Variants in ITGB1 observed in about 807,000 individuals in gnomAD.
The protein encoded by ITGB1 is integrin subunit beta 1, also known as integrin beta-1.
Under a neutral mutation model 86.5 loss-of-function variants are expected in ITGB1, and 24 were observed. The ratio of observed to expected loss-of-function variants is 0.28; its 90% CI spans 0.20 to 0.39. ITGB1 has a LOEUF of 0.39. ITGB1 is among the 10% of genes least tolerant of loss of function. ITGB1 has a pLI of 1.00. For missense variants in ITGB1, 556 were observed against 946.9 expected (o/e 0.59, Z 5.42); for synonymous variants, 323 against 316.8 (o/e 1.02, Z -0.21).
chr10:32,930,816 G>A (rs550578493), intron 3 of ITGB1, among the ~76,000 whole-genome samples: 21 of 151,826 alleles, frequency 1.4e-4, no homozygotes, highest in African/African-American at 5.1e-4. Flanking sequence ...TTTTAAATGT[G>A]GTATACATCA....
intron 2 of ITGB1, among the ~76,000 whole-genome samples, chr10:32,933,822 A>G (rs937135650): frequency 6.6e-6 from 1 of 152,134 alleles, no homozygotes; most frequent in African/African-American, 2.4e-5. Flanking sequence ...TAAGTGTTTT[A>G]TTCTTATCAT....
chr10:32,907,844 A>G (rs1402107424), intron 15 of ITGB1, among the ~76,000 whole-genome samples: 1 of 152,074 alleles, frequency 6.6e-6, no homozygotes, highest in Non-Finnish European at 1.5e-5. Flanking sequence ...ACCAAAAAAA[A>G]ATAATAATAA....
At position 32,948,099 on chromosome 10, in the gene ITGB1, A is replaced by C. The variant is rs919225372; in HGVS notation, c.-1+10046T>G. On this transcript the variant is annotated intron_variant, in intron 1 of 15. Coordinates refer to ENST00000302278, the MANE Select transcript of ITGB1 (RefSeq NM_002211.4). ...GATATGAAAGAAAGGATAAAGTCTG[A>C]AAGTTAGAAGTAACACAACTACAGA... 2.6e-5 allele frequency among the ~76,000 whole-genome samples: 4 copies of C among 152,304 alleles called. No homozygotes were observed. The East Asian group carries it at 7.7e-4, about 29-fold the overall frequency.
At chr10:32,915,379 T>C (rs1593859898) in intron 11 of ITGB1, among the ~76,000 whole-genome samples, 1 of 152,170 alleles carries the variant, frequency 6.6e-6, no homozygotes, top group South Asian at 2.1e-4. Context: ...ATCCAGGAGC[T>C]GGTTTTTTGA....
intron 1 of ITGB1, among the ~76,000 whole-genome samples, chr10:32,954,769 A>G (rs2095049162): frequency 6.6e-6 from 1 of 152,192 alleles, no homozygotes; most frequent in African/African-American, 2.4e-5. Flanking sequence ...ATGTATGTGT[A>G]CTGGAGGCAG....
chr10:32,919,928 TGGGACTTTCA>T lies in ITGB1; in HGVS notation c.1416_1425del (p.Glu473SerfsTer91). 6.2e-7 allele frequency: 1 copy of T among 1,614,132 alleles called. No individual in the cohort carries two copies. Among genetic ancestry groups the T allele is most frequent in the Non-Finnish European group, 8.5e-7 (1 of 1,180,010 alleles). ...AATGTCCCATTTCCTTCATGACACT[TGGGACTTTCA>T]GGGATGCCTTCGCTTTGGCATTCAC... On this transcript the variant is annotated frameshift_variant, in exon 11 of 16. Coordinates refer to ENST00000302278, the MANE Select transcript of ITGB1 (RefSeq NM_002211.4). LOFTEE classifies it high-confidence loss of function.
chr10:32,956,224 AC>A (rs1401599698), intron 1 of ITGB1, among the ~76,000 whole-genome samples: 1 of 152,144 alleles, frequency 6.6e-6, no homozygotes, highest in East Asian at 1.9e-4. Flanking sequence ...CTAAGTCCTA[AC>A]CCCTCTGGGC....
At chr10:32,908,990 C>T (rs1188785385) in intron 14 of ITGB1, among the ~76,000 whole-genome samples, 1 of 152,152 alleles carries the variant, frequency 6.6e-6, no homozygotes, top group East Asian at 1.9e-4. Context: ...TCAATGGTAT[C>T]CCACTCAAAC....
At chr10:32,945,600 A>G (rs573598966) in intron 1 of ITGB1, among the ~76,000 whole-genome samples, 1 of 151,642 alleles carries the variant, frequency 6.6e-6, no homozygotes, top group South Asian at 2.1e-4. Flanking sequence ...CTCTGTCTCA[A>G]AAAAAAAAGA....
Position 32,910,368 on chromosome 10 carries a change from T to G in ITGB1, c.2019A>C (p.Val673=), listed in dbSNP as rs150610387. 356 of 1,600,596 alleles carry G rather than the reference T, an allele frequency of 2.2e-4. No individual in the cohort carries two copies. The Middle Eastern group carries it at 4.0e-3, about 18-fold the overall frequency. Reference sequence around the variant, plus strand: ...GCTGGGGTAATTTGTCCCGACTTTCTACCTTGGTAATGTTAAAATAGGAAC... The same window carrying G: ...GCTGGGGTAATTTGTCCCGACTTTCGACCTTGGTAATGTTAAAATAGGAAC... ...QECSYFNITK[V]ESRDKLPQPV... Residue 673 remains valine, a synonymous_variant, in exon 14 of 16, where the codon GTA becomes GTC. Transcript: ENST00000302278.
chr10:32,908,574 T>A lies in ITGB1; in HGVS notation c.2165-40A>T, dbSNP rs373900854. ...GGTAATAATGAGCACCACAAAGAGC[T>A]GTGCAGTGTCTTATAAAAAACATAC... On this transcript the variant is annotated intron_variant, in intron 14 of 15. Transcript: ENST00000302278. The A allele has an allele frequency of 3.3e-5, 51 of 1,566,336 alleles. No homozygotes were observed. The African/African-American group carries it at 6.3e-4, about 19-fold the overall frequency.
At chr10:32,906,472 C>T in intron 15 of ITGB1, 1 of 223,428 alleles carries the variant, frequency 4.5e-6, no homozygotes, top group Non-Finnish European at 9.4e-6. Flanking sequence ...CACCTGTAAT[C>T]CCAGGTACTC....
At chr10:32,945,432 AC>A (rs1391697140) in intron 1 of ITGB1, among the ~76,000 whole-genome samples, 1 of 152,030 alleles carries the variant, frequency 6.6e-6, no homozygotes, top group Non-Finnish European at 1.5e-5. Flanking sequence ...CCCCGTCTCT[AC>A]TAAAAACACA....
chr10:32,930,112 G>A, intron 3 of ITGB1, 68 bp from the exon 4 acceptor site: 2 of 748,192 alleles, frequency 2.7e-6, no homozygotes, highest in Non-Finnish European at 4.7e-6. Context: ...CATAATAATT[G>A]CAAATAAGCA....
intron 2 of ITGB1, chr10:32,933,697 T>C (rs2094991490): frequency 6.6e-6 from 1 of 152,140 alleles, no homozygotes; most frequent in Non-Finnish European, 1.5e-5. Context: ...TGCAGATAAA[T>C]AGCAAGGGGA....
chr10:32,942,089 C>T (rs572643530), intron 1 of ITGB1, among the ~76,000 whole-genome samples: 1 of 152,100 alleles, frequency 6.6e-6, no homozygotes, highest in African/African-American at 2.4e-5. Flanking sequence ...GAAAGGAGAA[C>T]TGGGGGCAAA....
intron 15 of ITGB1, among the ~76,000 whole-genome samples, chr10:32,903,456 T>C: frequency 2.2e-5 from 1 of 45,588 alleles, no homozygotes; most frequent in South Asian, 9.0e-4. Flanking sequence ...TGCTATGAAG[T>C]CTGAAACTTC....
intron 11 of ITGB1, among the ~76,000 whole-genome samples, chr10:32,913,257 TCTC>T (rs1565820550): frequency 6.6e-6 from 1 of 152,104 alleles, no homozygotes; most frequent in Non-Finnish European, 1.5e-5. Flanking sequence ...GAGCACCTCT[TCTC>T]CTCCAAAGAA....
At chr10:32,944,892 T>C (rs2095027585) in intron 1 of ITGB1, 7 of 1,343,588 alleles carry the variant, frequency 5.2e-6, no homozygotes, top group Non-Finnish European at 7.4e-6. Context: ...GAGACGGTTA[T>C]CAAAAGACTA....
Sources: allele counts gnomAD v4.1 joint callset (sites outside exome capture counted in the v4.1 genomes callset), GRCh38; gene constraint gnomAD v4.1.1; transcripts MANE v1.5; gene names NCBI Gene and HGNC (gene_info 2026-07-23, HGNC 2026-07-21).